The following TENM1 variants were observed in gnomAD, a reference collection of about 807,000 sequenced individuals.
TENM1 encodes teneurin-1.
TENM1 carries 35 observed loss-of-function variants against 174.8 expected under a neutral mutation model. That is an observed-to-expected ratio of 0.20 (90% CI 0.15 to 0.27). The LOEUF (loss-of-function observed/expected upper bound fraction) is 0.27. Among genes scored for constraint, TENM1 ranks in the 10% least tolerant of loss-of-function variants. The pLI is 1.00. For missense variants in TENM1, 1,633 were observed against 2,130.1 expected, an observed-to-expected ratio of 0.77 and a Z score of 4.59; for synonymous variants, 781 against 798.7, an observed-to-expected ratio of 0.98 and a Z score of 0.37.
the TENM1 span, among the ~76,000 whole-genome samples, chrX:125,125,901 T>C: frequency 2.0e-4 from 22 of 112,386 alleles, no homozygotes; most frequent in Non-Finnish European, 3.6e-4. Flanking sequence ...TTTTAAAGCA[T>C]ATCAAAAGAT....
chrX:124,804,225 T>A (rs757787843), intron 3 of TENM1, among the ~76,000 whole-genome samples: 1 of 112,092 alleles, frequency 8.9e-6, no homozygotes, highest in South Asian at 3.7e-4. Flanking sequence ...TTAGTTTGCA[T>A]ATTTCACCAT....
At chrX:124,944,741 A>G (rs1430094039) in intron 1 of TENM1, among the ~76,000 whole-genome samples, 1 of 108,937 alleles carries the variant, frequency 9.2e-6, no homozygotes, top group African/African-American at 3.3e-5. Flanking sequence ...GACAGAAAAC[A>G]AATGAATACA....
intron 1 of TENM1, among the ~76,000 whole-genome samples, chrX:124,901,707 G>A (rs2057667041): frequency 9.0e-6 from 1 of 110,993 alleles, no homozygotes; most frequent in South Asian, 3.8e-4. Context: ...TTGAACTCCT[G>A]GACTCAAGCA....
chrX:124,389,431 T>C (rs2060259177), intron 28 of TENM1, among the ~76,000 whole-genome samples: 1 of 112,191 alleles, frequency 8.9e-6, no homozygotes, highest in Non-Finnish European at 1.9e-5. Context: ...GCCCCTGTCA[T>C]AGTGGGAGAA....
At position 124,396,199 on chromosome X, in the gene TENM1, A is replaced by G. The variant is rs138897912; in HGVS notation, c.5392-3851T>C. ...AAATTCGGCTAAGAGCTAAAAAAGA[A>G]TGAAGGAACTGAAGATGCCACAGGT... On this transcript the variant is annotated intron_variant, in intron 27 of 31. Transcript: ENST00000422452. Among the ~76,000 whole-genome samples the G allele has an allele frequency of 9.9e-5, 11 of 111,491 alleles. No individual in the cohort carries two copies. In the East Asian group the frequency reaches 3.1e-3, roughly 31 times the overall value.
intron 13 of TENM1, 93 bp downstream of exon 16, chrX:124,563,656 A>C: frequency 1.4e-6 from 1 of 712,973 alleles, no homozygotes; most frequent in South Asian, 3.0e-5. Flanking sequence ...AACAAACAAC[A>C]CAAATGCCAA....
intron 18 of TENM1, among the ~76,000 whole-genome samples, chrX:124,515,092 A>T (rs1218940744): frequency 4.5e-5 from 5 of 111,931 alleles, no homozygotes; most frequent in Non-Finnish European, 9.4e-5. Context: ...GAACTAAAGA[A>T]AAAAACCACT....
intron 1 of TENM1, among the ~76,000 whole-genome samples, chrX:124,957,578 C>CAAAAAAAAAAAA (rs1225936775): frequency 3.2e-5 from 1 of 31,054 alleles, no homozygotes; most frequent in African/African-American, 1.1e-4. Context: ...AACTCCAACT[C>CAAAAAAAAAAAA]AAAAAAAAAA....
chrX:124,633,660 A>C (rs2050812550), intron 11 of TENM1, among the ~76,000 whole-genome samples: 1 of 111,034 alleles, frequency 9.0e-6, no homozygotes, highest in African/African-American at 3.3e-5. Context: ...TATAAAGATA[A>C]AGAATTTTTG....
intron 1 of TENM1, among the ~76,000 whole-genome samples, chrX:124,924,883 C>A (rs1251030940): frequency 9.1e-6 from 1 of 110,473 alleles, no homozygotes; most frequent in Non-Finnish European, 1.9e-5. Flanking sequence ...TGAAATCAAA[C>A]ATGTACTAAC....
intron 3 of TENM1, among the ~76,000 whole-genome samples, chrX:124,739,691 T>A (rs1378344993): frequency 8.9e-6 from 1 of 112,224 alleles, no homozygotes; most frequent in African/African-American, 3.2e-5. Context: ...GATCCCTGAG[T>A]TGGCAATATT....
chrX:124,818,159 T>G (rs2055948785), intron 3 of TENM1, among the ~76,000 whole-genome samples: 1 of 111,765 alleles, frequency 8.9e-6, no homozygotes, highest in African/African-American at 3.2e-5. Flanking sequence ...CTGATATTAG[T>G]GAAAGCTTTA....
At chrX:125,203,396 T>C in the TENM1 span, among the ~76,000 whole-genome samples, 1 of 111,945 alleles carries the variant, frequency 8.9e-6, no homozygotes, top group Non-Finnish European at 1.9e-5. Context: ...CAGGTCCACT[T>C]GTTAGAGTGA....
At chrX:125,034,284 C>T in the TENM1 span, among the ~76,000 whole-genome samples, 1 of 112,001 alleles carries the variant, frequency 8.9e-6, no homozygotes, top group African/African-American at 3.2e-5. Flanking sequence ...TTCTATGTTA[C>T]ACTGCTCTTA....
chrX:125,170,740 A>AG, the TENM1 span, among the ~76,000 whole-genome samples: 1 of 111,391 alleles, frequency 9.0e-6, no homozygotes, highest in Non-Finnish European at 1.9e-5. Flanking sequence ...TTCGAAGGTC[A>AG]GTGATAAGCT....
chrX:124,966,097 T>C (rs2058722457), upstream of TENM1, among the ~76,000 whole-genome samples: 1 of 111,752 alleles, frequency 8.9e-6, no homozygotes, highest in South Asian at 3.8e-4. Context: ...CTTTGAAAGG[T>C]ATCCAGAATC....
chrX:124,480,638 A>C (rs750714024), intron 22 of TENM1, among the ~76,000 whole-genome samples: 7 of 112,250 alleles, frequency 6.2e-5, no homozygotes, highest in Non-Finnish European at 1.1e-4. Context: ...GGTTTTCTAC[A>C]TGTAGTAGGC....
intron 3 of TENM1, among the ~76,000 whole-genome samples, chrX:124,809,047 T>G (rs751397055): frequency 1.8e-5 from 2 of 111,280 alleles, no homozygotes; most frequent in African/African-American, 6.5e-5. Context: ...AGGTTTTTTT[T>G]AAAAGATAAA....
In TENM1 at chrX:124,520,786, T is replaced by TA; in HGVS notation, c.3034-3_3034-2insT. 2 of 1,084,004 alleles carry TA rather than the reference T, an allele frequency of 1.8e-6. No individual in the cohort carries two copies. Among genetic ancestry groups the TA allele is most frequent in the Admixed American group, 3.3e-5 (1 of 30,618 alleles). 89.3% of individuals were successfully genotyped at this position (1,084,004 alleles called of 1,213,427 possible). A position where few individuals can be genotyped will look rare whatever the true frequency, so the allele number is the denominator to read the frequency against. Reference sequence around the variant, plus strand: ...AATGGGAATTTCCTCCTGTACAACCTGAAATAAAAAAAAAAAAAAAAAGCC... The same window carrying TA: ...AATGGGAATTTCCTCCTGTACAACCTAGAAATAAAAAAAAAAAAAAAAAGCC... On this transcript the variant is annotated splice_polypyrimidine_tract_variant and splice_region_variant and intron_variant, in intron 17 of 31. Transcript: ENST00000422452.
Sources: gnomAD v4.1 joint callset for allele counts (sites outside exome capture counted in the v4.1 genomes callset) on GRCh38, gnomAD v4.1.1 for gene constraint, MANE v1.5 for transcripts, NCBI Gene and HGNC (gene_info 2026-07-23, HGNC 2026-07-21) for gene names.